The following ITGB5 variants were observed in gnomAD, a reference collection of about 807,000 sequenced individuals.
The protein encoded by ITGB5 is integrin subunit beta 5, also known as integrin beta-5.
In ITGB5, 38 loss-of-function variants were observed where a neutral mutation model predicts 84.8. That is an observed-to-expected ratio of 0.45 (90% CI 0.35 to 0.59). The LOEUF is 0.59. Among genes scored for constraint, ITGB5 ranks in the 20% least tolerant of loss-of-function variants. The pLI is 0.01. For synonymous variants in ITGB5, 393 were observed against 414.4 expected (o/e 0.95, Z 0.63); for missense variants, 905 against 1,034.5 (o/e 0.87, Z 1.72).
At chr3:124,766,616 A>G (rs1482951531) in intron 12 of ITGB5, among the ~76,000 whole-genome samples, 1 of 152,194 alleles carries the variant, frequency 6.6e-6, no homozygotes, top group Non-Finnish European at 1.5e-5. Context: ...GGTGATGTGA[A>G]ATAACAGAAG....
At chr3:124,787,410 A>G (rs1379238492) in intron 10 of ITGB5, 11 of 152,204 alleles carry the variant, frequency 7.2e-5, no homozygotes, top group Non-Finnish European at 1.6e-4. Flanking sequence ...AAGATCTCAA[A>G]GAAGTCTTAA....
chr3:124,879,182 C>T (rs573440329), intron 1 of ITGB5, among the ~76,000 whole-genome samples: 1 of 152,178 alleles, frequency 6.6e-6, no homozygotes, highest in East Asian at 1.9e-4. Flanking sequence ...CCAAGCCAGG[C>T]CCTCTGGTCT....
intron 12 of ITGB5, 131 bp downstream of exon 12, chr3:124,768,882 C>G (rs1303493600): frequency 1.3e-5 from 8 of 628,922 alleles, no homozygotes; most frequent in Non-Finnish European, 2.0e-5. Context: ...GTTCCAGCAC[C>G]GGGTCCTCAT....
intron 1 of ITGB5, among the ~76,000 whole-genome samples, chr3:124,880,747 G>A (rs929620433): frequency 6.6e-6 from 1 of 151,980 alleles, no homozygotes; most frequent in South Asian, 2.1e-4. Context: ...GGCCTACATC[G>A]TGAAACCCTA....
chr3:124,810,043 A>G (rs776734764), intron 8 of ITGB5, among the ~76,000 whole-genome samples: 2 of 152,242 alleles, frequency 1.3e-5, no homozygotes, highest in African/African-American at 2.4e-5. Flanking sequence ...GACATGGACA[A>G]GAATGTTTAC....
intron 10 of ITGB5, among the ~76,000 whole-genome samples, chr3:124,794,611 T>C (rs1400681493): frequency 1.3e-5 from 2 of 151,318 alleles, no homozygotes; most frequent in Non-Finnish European, 2.9e-5. Context: ...GGAAACCCCA[T>C]ATCTATTTAA....
intron 1 of ITGB5, among the ~76,000 whole-genome samples, chr3:124,881,392 C>G (rs550701853): frequency 3.3e-5 from 5 of 152,038 alleles, no homozygotes; most frequent in Admixed American, 3.3e-4. Context: ...GTAAATAAGA[C>G]CAGGGCTATT....
chr3:124,895,490 TG>T (rs1425742855), intron 1 of ITGB5, among the ~76,000 whole-genome samples: 38 of 152,228 alleles, frequency 2.5e-4, no homozygotes, highest in Admixed American at 2.5e-3. Context: ...CCTCCCAAAG[TG>T]CTGGGATTAC....
intron 11 of ITGB5, among the ~76,000 whole-genome samples, chr3:124,770,417 G>C (rs1309724911): frequency 6.6e-6 from 1 of 152,178 alleles, no homozygotes; most frequent in African/African-American, 2.4e-5. Flanking sequence ...GGGGACCAAA[G>C]GGGCTGGGTG....
At chr3:124,831,071 C>T (rs1220164200) in intron 5 of ITGB5, among the ~76,000 whole-genome samples, 2 of 152,126 alleles carry the variant, frequency 1.3e-5, no homozygotes, top group Non-Finnish European at 2.9e-5. Context: ...TACCCTAGTA[C>T]ATCCCCTGGA....
intron 8 of ITGB5, among the ~76,000 whole-genome samples, chr3:124,813,459 G>A (rs571635217): frequency 6.6e-5 from 10 of 152,226 alleles, no homozygotes; most frequent in Admixed American, 1.3e-4. Context: ...TGCCCCCACC[G>A]CAGATGCCAA....
In ITGB5 at chr3:124,768,900, CCA is replaced by C. The variant is rs1215997121; in HGVS notation, c.2017+111_2017+112del. 72 of 714,456 alleles carry C rather than the reference CCA, an allele frequency of 1.0e-4. No individual in the cohort carries two copies. In the East Asian group the frequency reaches 1.7e-3, roughly 17 times the overall value. 44.3% of individuals were successfully genotyped at this position (714,456 alleles called of 1,614,324 possible). A position where few individuals can be genotyped will look rare whatever the true frequency, so the allele number is the denominator to read the frequency against. On this transcript the variant is annotated intron_variant, in intron 12 of 14. Transcript: ENST00000296181. ...CCAGCACCGGGTCCTCATGGGGAGCCCACAGTTATGCCCAGGAAGCCTGGGCA... is the reference window on the plus strand; with the variant it reads ...CCAGCACCGGGTCCTCATGGGGAGCCCAGTTATGCCCAGGAAGCCTGGGCA...
rs140392462 is a variant in ITGB5 at position 124,784,857 on chromosome 3, C to T, written c.1694-10945G>A. 2.0e-3 allele frequency among the ~76,000 whole-genome samples: 303 copies of T among 152,338 alleles called. 1 individual carries two copies. The highest frequency in any genetic ancestry group is 7.1e-3 in the African/African-American group (296 of 41,582). On this transcript the variant is annotated intron_variant, in intron 10 of 14. Coordinates refer to ENST00000296181, the MANE Select transcript of ITGB5 (RefSeq NM_002213.5). ...CCCTCTTGGTCACCGCAACAGGATG[C>T]GAGGGTTACTATTTTCAAACTGGAA... is the stretch of plus-strand genomic sequence containing the variant.
chr3:124,776,370 T>A (rs1388908095), intron 10 of ITGB5, among the ~76,000 whole-genome samples: 1 of 152,228 alleles, frequency 6.6e-6, no homozygotes, highest in Non-Finnish European at 1.5e-5. Context: ...GGGAGCACAC[T>A]GGTCAAGAGC....
chr3:124,833,795 T>C (rs551703140), intron 5 of ITGB5, among the ~76,000 whole-genome samples: 1 of 152,330 alleles, frequency 6.6e-6, no homozygotes, highest in East Asian at 1.9e-4. Flanking sequence ...TGTCTGGTGC[T>C]GGGAATATAG....
intron 10 of ITGB5, among the ~76,000 whole-genome samples, chr3:124,779,491 A>G (rs2063972035): frequency 6.6e-6 from 1 of 152,122 alleles, no homozygotes. Context: ...GAAGTTGTGC[A>G]TAAGGCTGAG....
At chr3:124,856,283 CATTTTAAAAACTGGAATTATT>C (rs1559971228) in intron 3 of ITGB5, among the ~76,000 whole-genome samples, 3 of 152,158 alleles carry the variant, frequency 2.0e-5, no homozygotes, top group African/African-American at 7.2e-5. Context: ...CCTTAATTCT[CATTTTAAAAACTGGAATTATT>C]AAAGTGTGGA....
chr3:124,784,281 G>A (rs1242740663), intron 10 of ITGB5, among the ~76,000 whole-genome samples: 15 of 152,200 alleles, frequency 9.9e-5, no homozygotes, highest in Admixed American at 9.8e-4. Flanking sequence ...GGGAGGCTGA[G>A]GTGGGAGGAT....
intron 3 of ITGB5, among the ~76,000 whole-genome samples, chr3:124,858,242 C>T (rs1203875049): frequency 2.0e-5 from 3 of 151,954 alleles, no homozygotes; most frequent in African/African-American, 2.4e-5. Context: ...ATTATATTAC[C>T]GTTTCCTTAT....
Sources: allele counts gnomAD v4.1 joint callset (sites outside exome capture counted in the v4.1 genomes callset), GRCh38; gene constraint gnomAD v4.1.1; transcripts MANE v1.5; gene names NCBI Gene and HGNC (gene_info 2026-07-23, HGNC 2026-07-21).